The following CNTN1 variants were observed in gnomAD, a reference collection of about 807,000 sequenced individuals.
CNTN1 encodes the protein contactin 1.
Under a neutral mutation model 126.4 loss-of-function variants are expected in CNTN1, and 38 were observed. The ratio of observed to expected loss-of-function variants is 0.30; its 90% confidence interval spans 0.23 to 0.39. The LOEUF is 0.39. CNTN1 is among the 10% of genes least tolerant of loss of function. The pLI, the probability that CNTN1 is intolerant of heterozygous loss-of-function variation, is 1.00. For synonymous variants in CNTN1, 413 were observed against 422.6 expected, an observed-to-expected ratio of 0.98 and a Z score of 0.28; for missense variants, 1,009 against 1,248.4, an observed-to-expected ratio of 0.81 and a Z score of 2.89.
intron 1 of CNTN1, among the ~76,000 whole-genome samples, chr12:40,858,442 G>C (rs1438243030): frequency 6.6e-6 from 1 of 152,114 alleles, no homozygotes; most frequent in African/African-American, 2.4e-5. Flanking sequence ...AAACCACAAT[G>C]AGATACCATC....
chr12:40,820,002 T>A (rs186205883), intron 1 of CNTN1, among the ~76,000 whole-genome samples: 4 of 152,320 alleles, frequency 2.6e-5, no homozygotes, highest in African/African-American at 7.2e-5. Context: ...CTAGTCAATT[T>A]TGATGAGAGA....
intron 1 of CNTN1, among the ~76,000 whole-genome samples, chr12:40,857,909 T>C (rs2136635452): frequency 6.6e-6 from 1 of 152,266 alleles, no homozygotes; most frequent in Non-Finnish European, 1.5e-5. Flanking sequence ...GATATTACTT[T>C]TTAATTCTGT....
chr12:40,705,367 C>A (rs75041721), intron 1 of CNTN1, among the ~76,000 whole-genome samples: 1 of 152,096 alleles, frequency 6.6e-6, no homozygotes, highest in Non-Finnish European at 1.5e-5. Flanking sequence ...GCTCAGCTTG[C>A]GTATGCTTAT....
intron 1 of CNTN1, among the ~76,000 whole-genome samples, chr12:40,738,270 C>G (rs1584090): frequency 0.61 from 92,565 of 151,778 alleles, 29,036 homozygotes; most frequent in East Asian, 0.84. Context: ...CCAACTAGTG[C>G]GGGAAAAGAA....
intron 1 of CNTN1, among the ~76,000 whole-genome samples, chr12:40,859,694 G>A (rs979067964): frequency 6.6e-6 from 1 of 152,070 alleles, no homozygotes; most frequent in East Asian, 1.9e-4. Context: ...GGGGGTCAGG[G>A]CAAGAATTTT....
chr12:40,987,935 C>G (rs1249663442), intron 16 of CNTN1, among the ~76,000 whole-genome samples: 1 of 140,108 alleles, frequency 7.1e-6, no homozygotes, highest in African/African-American at 2.6e-5. Context: ...GGACAGTATC[C>G]TTTTTTTTTT....
intron 1 of CNTN1, among the ~76,000 whole-genome samples, chr12:40,789,267 A>G (rs1940141233): frequency 6.6e-6 from 1 of 152,164 alleles, no homozygotes; most frequent in African/African-American, 2.4e-5. Context: ...TGATAACTGA[A>G]TCACCCATCA....
intron 1 of CNTN1, among the ~76,000 whole-genome samples, chr12:40,884,574 T>C (rs910351389): frequency 6.6e-6 from 1 of 151,474 alleles, no homozygotes; most frequent in African/African-American, 2.4e-5. Flanking sequence ...TGTAGCAGTA[T>C]AGGAAAATAT....
At chr12:40,933,598 T>G in intron 8 of CNTN1, 38 bp downstream of exon 8, 8 of 1,514,454 alleles carry the variant, frequency 5.3e-6, no homozygotes, top group Non-Finnish European at 7.3e-6. Context: ...TATATAGAAA[T>G]AGTACCATTT....
At chr12:41,005,312 T>G (rs921546423) in intron 17 of CNTN1, among the ~76,000 whole-genome samples, 1 of 152,230 alleles carries the variant, frequency 6.6e-6, no homozygotes, top group Admixed American at 6.5e-5. Flanking sequence ...TTTAGTCTGA[T>G]TGGCTTCCTT....
rs71081704 is a variant in CNTN1, at chr12:41,067,766, T to TAAA, written c.2981-2184_2981-2182dup. Among the ~76,000 whole-genome samples the TAAA allele has an allele frequency of 9.6e-3, 1,385 of 144,160 alleles. 23 individuals are homozygous for TAAA. Among genetic ancestry groups the TAAA allele is most frequent in the African/African-American group, 0.032 (1,270 of 39,928 alleles). 94.6% of individuals were successfully genotyped at this position (144,160 alleles called of 152,430 possible). A position where few individuals can be genotyped will look rare whatever the true frequency, so the allele number is the denominator to read the frequency against. On this transcript the variant is annotated intron_variant, in intron 23 of 23. Transcript: ENST00000551295. The stretch of plus-strand genomic sequence containing the variant: ...ATGTACCCTAAAACTTAAAGTATAA[T>TAAA]AAAAAAAAAAAGGCTTCAGGATGGA...
chr12:40,953,700 G>C (rs1402830739), intron 14 of CNTN1, among the ~76,000 whole-genome samples: 1 of 151,906 alleles, frequency 6.6e-6, no homozygotes, highest in Admixed American at 6.6e-5. Flanking sequence ...AGAGTTCATG[G>C]TGAAAAATTA....
intron 12 of CNTN1, among the ~76,000 whole-genome samples, chr12:40,941,003 TC>T (rs2136943223): frequency 6.6e-6 from 1 of 152,292 alleles, no homozygotes; most frequent in East Asian, 1.9e-4. Flanking sequence ...AAAATCTTTT[TC>T]TGATTCTGAT....
intron 16 of CNTN1, 117 bp from the exon 17 acceptor site, chr12:40,993,003 T>C: frequency 1.2e-6 from 1 of 868,514 alleles, no homozygotes; most frequent in Non-Finnish European, 1.8e-6. Context: ...TTGTAGTTTT[T>C]ACTTCAACTC....
intron 3 of CNTN1, among the ~76,000 whole-genome samples, chr12:40,913,812 T>C (rs529163312): frequency 2.4e-4 from 37 of 152,306 alleles, no homozygotes; most frequent in African/African-American, 6.7e-4. Flanking sequence ...TTTACATTAG[T>C]AAATATGACT....
chr12:40,895,947 T>C, intron 1 of CNTN1: 1 of 151,658 alleles, frequency 6.6e-6, no homozygotes, highest in Middle Eastern at 3.1e-3. Flanking sequence ...TGTATTTTTT[T>C]AGTAGAGACG....
intron 16 of CNTN1, among the ~76,000 whole-genome samples, chr12:40,981,403 T>G (rs972967053): frequency 6.6e-6 from 1 of 152,132 alleles, no homozygotes; most frequent in Admixed American, 6.6e-5. Context: ...ATAGCATTTA[T>G]AGCATAGTAT....
At chr12:40,786,850 T>A (rs181118421) in intron 1 of CNTN1, among the ~76,000 whole-genome samples, 1 of 152,300 alleles carries the variant, frequency 6.6e-6, no homozygotes, top group African/African-American at 2.4e-5. Context: ...ACCTTCCATG[T>A]CACTCTGCTC....
At chr12:40,710,521 C>T (rs1941886052) in intron 1 of CNTN1, among the ~76,000 whole-genome samples, 2 of 152,232 alleles carry the variant, frequency 1.3e-5, no homozygotes, top group South Asian at 2.1e-4. Flanking sequence ...TGCCAGTAGA[C>T]TTACTTGACA....
Sources: allele counts gnomAD v4.1 joint callset (sites outside exome capture counted in the v4.1 genomes callset), GRCh38; gene constraint gnomAD v4.1.1; transcripts MANE v1.5; gene names NCBI Gene and HGNC (gene_info 2026-07-23, HGNC 2026-07-21).